Variants in ATP6V1C2 observed in about 807,000 individuals in gnomAD.
The protein encoded by ATP6V1C2 is ATPase H+ transporting V1 subunit C2.
In ATP6V1C2, 45 loss-of-function variants were observed where a neutral mutation model predicts 56.8. That is an observed-to-expected ratio of 0.79 (90% CI 0.62 to 1.02). The LOEUF (loss-of-function observed/expected upper bound fraction) is 1.02, where lower values mean the gene tolerates loss of function less well. Ranked by LOEUF, ATP6V1C2 falls within the 50% of genes least tolerant of loss-of-function variation. The pLI is 0.00. For synonymous variants in ATP6V1C2, 220 were observed against 201.3 expected (o/e 1.09, Z -0.79); for missense variants, 463 against 519.7 (o/e 0.89, Z 1.06).
intron 3 of ATP6V1C2, among the ~76,000 whole-genome samples, chr2:10,741,900 T>C (rs150268400): frequency 3.0e-3 from 10 of 3,284 alleles, no homozygotes; most frequent in Admixed American, 9.3e-3. Context: ...CCCTCCTTCC[T>C]TCCTTCCTTC....
At chr2:10,753,007 CAAAAGAAA>C (rs1026718622) in intron 3 of ATP6V1C2, among the ~76,000 whole-genome samples, 3 of 151,914 alleles carry the variant, frequency 2.0e-5, no homozygotes, top group Non-Finnish European at 4.4e-5. Flanking sequence ...AAAAAAAGAA[CAAAAGAAA>C]AAAAGAAAAA....
intron 6 of ATP6V1C2, among the ~76,000 whole-genome samples, chr2:10,770,224 C>G (rs1572596060): frequency 6.6e-6 from 1 of 152,126 alleles, no homozygotes; most frequent in South Asian, 2.1e-4. Context: ...CATAGAGGAA[C>G]CTTGTCTCTA....
At chr2:10,734,824 T>C (rs1236937274) in intron 3 of ATP6V1C2, among the ~76,000 whole-genome samples, 1 of 152,208 alleles carries the variant, frequency 6.6e-6, no homozygotes, top group Non-Finnish European at 1.5e-5. Context: ...GTACTATCAA[T>C]CATTGTTACT....
chr2:10,775,128 G>A lies in ATP6V1C2; in HGVS notation c.825+57G>A. On this transcript the variant is annotated intron_variant, in intron 10 of 13. Coordinates refer to ENST00000272238, the MANE Select transcript of ATP6V1C2 (RefSeq NM_001039362.2). ...CCTACCCGGAGGCCTGGGGATAGAAGAGTCCTCCCAGGTCTCCAGCTCTCC... is the reference window on the plus strand; with the variant it reads ...CCTACCCGGAGGCCTGGGGATAGAAAAGTCCTCCCAGGTCTCCAGCTCTCC... The A allele has an allele frequency of 2.2e-6, 3 of 1,354,130 alleles. No individual in the cohort carries two copies. In the South Asian group the frequency reaches 3.5e-5, roughly 16 times the overall value. The allele number at this position is 1,354,130 out of a possible 1,614,324, so 83.9% of individuals were successfully genotyped here. A position where few individuals can be genotyped will look rare whatever the true frequency, so the allele number is the denominator to read the frequency against.
Position 10,783,387 on chromosome 2 carries a change from A to G in ATP6V1C2, c.*124A>G. ...ATCTTTTTCAGAGAAATTGCTCACA[A>G]AAGTTAGTGACAGTTGTATTTATTT... On this transcript the variant is annotated 3_prime_UTR_variant, in exon 14 of 14. Transcript: ENST00000272238. 1 of 582,704 alleles carries G rather than the reference A, an allele frequency of 1.7e-6. No individual in the cohort carries two copies. The highest frequency in any genetic ancestry group is 3.0e-6 in the Non-Finnish European group (1 of 336,864). The allele number at this position is 582,704 out of a possible 1,614,324, so 36.1% of individuals were successfully genotyped here.
chr2:10,764,061 C>T (rs895889084), intron 4 of ATP6V1C2, among the ~76,000 whole-genome samples: 9 of 152,230 alleles, frequency 5.9e-5, no homozygotes, highest in Admixed American at 2.0e-4. Context: ...GTCACACAGT[C>T]CAGTATTTTG....
At chr2:10,769,355 G>A (rs909278154) in intron 6 of ATP6V1C2, among the ~76,000 whole-genome samples, 6 of 152,346 alleles carry the variant, frequency 3.9e-5, no homozygotes, top group Middle Eastern at 3.4e-3. Context: ...CAGCAACACC[G>A]TGGCAGGGAC....
chr2:10,778,634 C>T lies in ATP6V1C2; in HGVS notation c.1026C>T (p.Ile342=). ...FSEAFIAWIH[I]KALRVFVESV... is the part of the protein sequence containing the mutation. ...AAGCCTTCATTGCCTGGATCCACAT[C>T]AAGGCCCTGAGAGTGTTTGTGGAGT... Residue 342 remains isoleucine, a synonymous_variant, in exon 12 of 14, where the codon ATC becomes ATT. Transcript: ENST00000272238. The T allele has an allele frequency of 6.2e-7, 1 of 1,614,214 alleles. No individual in the cohort carries two copies. The highest frequency in any genetic ancestry group is 1.1e-5 in the South Asian group (1 of 91,082).
chr2:10,753,096 G>A (rs530545387), intron 3 of ATP6V1C2, among the ~76,000 whole-genome samples: 13 of 152,314 alleles, frequency 8.5e-5, no homozygotes, highest in African/African-American at 2.4e-4. Flanking sequence ...TTCAAATGCT[G>A]TACTTTCTGA....
chr2:10,738,805 G>A (rs1481007716), intron 3 of ATP6V1C2, among the ~76,000 whole-genome samples: 1 of 152,132 alleles, frequency 6.6e-6, no homozygotes, highest in African/African-American at 2.4e-5. Flanking sequence ...TGACTTAAGC[G>A]CCTGGTGCTC....
In ATP6V1C2 at chr2:10,775,042, A is replaced by G. The variant is rs776735808; in HGVS notation, c.796A>G (p.Arg266Gly). 3 of 1,613,996 alleles carry G rather than the reference A, an allele frequency of 1.9e-6. No individual in the cohort carries two copies. In the African/African-American group the frequency reaches 4.0e-5, roughly 22 times the overall value. ...TGAAAGGGAAAGGGAGGAGATGGCC[A>G]GATTGCTGTCTGATAAGAAGCAACA... ...EIEREREEMARLLSDKKQQYQ... is the reference protein window; with the variant it reads ...EIEREREEMAGLLSDKKQQYQ... The change falls in exon 10 of 14, where the codon AGA (arginine) becomes GGA (glycine). Residue 266 changes from arginine (R) to glycine (G), a missense_variant. By Grantham distance (125) the Arg-to-Gly change is moderately radical. Transcript: ENST00000272238.
intron 2 of ATP6V1C2, among the ~76,000 whole-genome samples, chr2:10,726,138 G>A (rs568300408): frequency 1.1e-4 from 16 of 152,106 alleles, no homozygotes; most frequent in Non-Finnish European, 2.1e-4. Context: ...AAAGCTTTTA[G>A]GAATGAGAAC....
chr2:10,739,771 G>C (rs1272567907), intron 3 of ATP6V1C2, among the ~76,000 whole-genome samples: 3 of 151,990 alleles, frequency 2.0e-5, no homozygotes, highest in Non-Finnish European at 4.4e-5. Context: ...GTAAATTTTT[G>C]ATTATTTTAA....
intron 10 of ATP6V1C2, 52 bp from the exon 11 acceptor site, chr2:10,777,533 G>A: frequency 6.3e-7 from 1 of 1,591,282 alleles, no homozygotes; most frequent in South Asian, 1.2e-5. Flanking sequence ...TGATTTATTT[G>A]TTTGTGATGC....
Position 10,775,045 on chromosome 2 carries a change from T to A in ATP6V1C2, c.799T>A (p.Leu267Met). Reference protein sequence around the residue: ...IEREREEMARLLSDKKQQYQT... With the variant: ...IEREREEMARMLSDKKQQYQT... ...AAGGGAAAGGGAGGAGATGGCCAGA[T>A]TGCTGTCTGATAAGAAGCAACAGTA... Residue 267 changes from leucine to methionine, a missense_variant, in exon 10 of 14, where the codon TTG (leucine) becomes ATG (methionine). Physicochemically the swap from Leu to Met is conservative, Grantham distance 15 (BLOSUM62 2). Coordinates refer to ENST00000272238, the MANE Select transcript of ATP6V1C2 (RefSeq NM_001039362.2). 1 of 1,613,990 alleles carries A rather than the reference T, an allele frequency of 6.2e-7. No individual in the cohort carries two copies. Among genetic ancestry groups the A allele is most frequent in the Non-Finnish European group, 8.5e-7 (1 of 1,179,952 alleles).
At chr2:10,745,748 CTG>C (rs1437494628) in intron 3 of ATP6V1C2, among the ~76,000 whole-genome samples, 6 of 152,192 alleles carry the variant, frequency 3.9e-5, no homozygotes, top group Admixed American at 6.5e-5. Context: ...AGAACTGAAA[CTG>C]TATTCATTAA....
Position 10,776,738 on chromosome 2 carries a change from C to T in ATP6V1C2, c.826-847C>T, listed in dbSNP as rs574366271. ...GGCGAAGCAGGGCCTTTGGCACCCA[C>T]CTGGGCACTGGCCCAGGCCTGCCAG... On this transcript the variant is annotated intron_variant, in intron 10 of 13. Coordinates refer to ENST00000272238, the MANE Select transcript of ATP6V1C2 (RefSeq NM_001039362.2). 7.9e-5 allele frequency among the ~76,000 whole-genome samples: 12 copies of T among 152,312 alleles called. No individual in the cohort carries two copies. In the East Asian group the frequency reaches 1.6e-3, roughly 20 times the overall value.
chr2:10,737,659 C>A (rs1222288496), intron 3 of ATP6V1C2, among the ~76,000 whole-genome samples: 1 of 152,126 alleles, frequency 6.6e-6, no homozygotes, highest in Non-Finnish European at 1.5e-5. Flanking sequence ...CGCTTTGCTG[C>A]CCTTACGGGA....
At chr2:10,778,403 C>T (rs1665135424) in intron 11 of ATP6V1C2, 169 bp from the exon 12 acceptor site, 1 of 626,990 alleles carries the variant, frequency 1.6e-6, no homozygotes. Context: ...GTGCCCTGGA[C>T]CTCGAGGTCC....
Sources: allele counts gnomAD v4.1 joint callset (sites outside exome capture counted in the v4.1 genomes callset), GRCh38; gene constraint gnomAD v4.1.1; transcripts MANE v1.5; gene names NCBI Gene and HGNC (gene_info 2026-07-23, HGNC 2026-07-21).